Variants in MALRD1 observed in about 807,000 individuals in gnomAD.
The protein encoded by MALRD1 is MAM and LDL receptor class A domain containing 1.
A neutral mutation model predicts 242.1 loss-of-function variants in MALRD1; 247 were observed. That is an observed-to-expected ratio of 1.02 (90% CI 0.92 to 1.13). The LOEUF is 1.13. Among genes scored for constraint, MALRD1 ranks in the 50% most tolerant of loss-of-function variants. The pLI is 0.00. For synonymous variants in MALRD1, 995 were observed against 866.6 expected, an observed-to-expected ratio of 1.15 and a Z score of -2.60; for missense variants, 2,989 against 2,533.1, an observed-to-expected ratio of 1.18 and a Z score of -3.86.
chr10:19,437,807 C>T (rs1311443057), intron 28 of MALRD1, among the ~76,000 whole-genome samples: 1 of 152,116 alleles, frequency 6.6e-6, no homozygotes, highest in African/African-American at 2.4e-5. Flanking sequence ...GATAACCTCA[C>T]TTATTTCAGA....
intron 36 of MALRD1, among the ~76,000 whole-genome samples, chr10:19,634,653 C>T (rs778593724): frequency 1.6e-4 from 25 of 152,150 alleles, no homozygotes; most frequent in Non-Finnish European, 2.9e-4. Flanking sequence ...ATGGGCTAAG[C>T]TCACAGCACT....
chr10:19,709,838 A>T (rs1162453286), intron 38 of MALRD1, among the ~76,000 whole-genome samples: 1 of 152,218 alleles, frequency 6.6e-6, no homozygotes, highest in Non-Finnish European at 1.5e-5. Flanking sequence ...TAACTACACA[A>T]CTGACTGATG....
intron 11 of MALRD1, among the ~76,000 whole-genome samples, chr10:19,153,809 G>T (rs1278800707): frequency 6.6e-6 from 1 of 151,966 alleles, no homozygotes; most frequent in Non-Finnish European, 1.5e-5. Flanking sequence ...ATTTATTCAG[G>T]CCTTTTGCTT....
At chr10:19,657,111 C>G (rs1841194942) in intron 36 of MALRD1, among the ~76,000 whole-genome samples, 1 of 152,146 alleles carries the variant, frequency 6.6e-6, no homozygotes, top group South Asian at 2.1e-4. Context: ...CATTCTCTCA[C>G]AGTCTTTTCA....
At position 19,351,990 on chromosome 10, in the gene MALRD1, C is replaced by A. The variant is rs1212328122; in HGVS notation, c.4150-16C>A. The A allele has an allele frequency of 6.6e-7, 1 of 1,522,252 alleles. No individual in the cohort carries two copies. The highest frequency in any genetic ancestry group is 8.9e-7 in the Non-Finnish European group (1 of 1,122,842). 94.3% of individuals were successfully genotyped at this position (1,522,252 alleles called of 1,614,324 possible). On this transcript the variant is annotated splice_polypyrimidine_tract_variant and intron_variant, in intron 25 of 39. Coordinates refer to ENST00000454679, the MANE Select transcript of MALRD1 (RefSeq NM_001142308.3). ...ACTAATCATATCGTATGTAATATTC[C>A]TATTCTTGATTACAGATTATTTTTC...
At chr10:19,348,081 A>G in intron 25 of MALRD1, 63 bp downstream of exon 25, 1 of 1,496,230 alleles carries the variant, frequency 6.7e-7, no homozygotes, top group South Asian at 1.3e-5. Context: ...AAGTTTATAA[A>G]TTGACATACG....
intron 30 of MALRD1, 130 bp downstream of exon 30, chr10:19,491,775 C>A: frequency 2.1e-6 from 2 of 963,268 alleles, no homozygotes; most frequent in South Asian, 1.8e-5. Flanking sequence ...TTAGAATAGC[C>A]CAAATATTTC....
At chr10:19,586,014 G>T (rs1229831355) in intron 33 of MALRD1, among the ~76,000 whole-genome samples, 2 of 151,988 alleles carry the variant, frequency 1.3e-5, no homozygotes, top group African/African-American at 2.4e-5. Context: ...CCAGTTGATC[G>T]CATCGGCTCC....
At chr10:19,233,470 C>T (rs140035712) in intron 18 of MALRD1, among the ~76,000 whole-genome samples, 6,724 of 152,136 alleles carry the variant, frequency 0.044, 195 homozygotes, top group Middle Eastern at 0.078. Flanking sequence ...CCATTGTACT[C>T]CAGCCTGAGT....
chr10:19,223,999 C>T (rs988674948), intron 18 of MALRD1, among the ~76,000 whole-genome samples: 4 of 152,128 alleles, frequency 2.6e-5, no homozygotes, highest in Non-Finnish European at 4.4e-5. Flanking sequence ...AATAGTGCTG[C>T]AGTAAACATA....
chr10:19,149,275 C>T (rs1833852570), intron 11 of MALRD1, among the ~76,000 whole-genome samples: 1 of 152,022 alleles, frequency 6.6e-6, no homozygotes, highest in Non-Finnish European at 1.5e-5. Flanking sequence ...ACCACCACGC[C>T]CAGCTGGTTT....
At chr10:19,473,659 A>T (rs1271428272) in intron 29 of MALRD1, among the ~76,000 whole-genome samples, 1 of 152,114 alleles carries the variant, frequency 6.6e-6, no homozygotes, top group African/African-American at 2.4e-5. Context: ...AACTTCCATG[A>T]AAACTTGTTT....
intron 27 of MALRD1, among the ~76,000 whole-genome samples, chr10:19,388,189 A>C (rs1356718412): frequency 6.6e-6 from 1 of 152,062 alleles, no homozygotes; most frequent in Non-Finnish European, 1.5e-5. Flanking sequence ...TCCCTGTTTC[A>C]TTAGGACCCA....
At chr10:19,055,390 A>T (rs144496730) in intron 1 of MALRD1, among the ~76,000 whole-genome samples, 2 of 152,258 alleles carry the variant, frequency 1.3e-5, no homozygotes, top group African/African-American at 4.8e-5. Context: ...GCTGTGCAGA[A>T]GCTTTTTAGT....
Position 19,491,664 on chromosome 10 carries a change from TG to T in MALRD1, c.5158+20del, listed in dbSNP as rs780072522. ...CACTGTGGTAAGTTTATCTATCTGC[TG>T]TATGGCAGCCAGTTCAGCAGATATT... On this transcript the variant is annotated intron_variant, in intron 30 of 39. Transcript: ENST00000454679. 1.3e-4 allele frequency: 202 copies of T among 1,545,656 alleles called. No individual in the cohort carries two copies. Among genetic ancestry groups the T allele is most frequent in the Admixed American group, 1.3e-3 (64 of 50,908 alleles).
chr10:19,695,532 T>C (rs2131832986), intron 38 of MALRD1, among the ~76,000 whole-genome samples: 1 of 149,848 alleles, frequency 6.7e-6, no homozygotes. Flanking sequence ...TTTTTTTTTT[T>C]TTTTTGAGAT....
At chr10:19,125,296 TC>T (rs1837224069) in intron 7 of MALRD1, among the ~76,000 whole-genome samples, 5 of 44,942 alleles carry the variant, frequency 1.1e-4, no homozygotes, top group African/African-American at 5.6e-4. Flanking sequence ...TTTCTTTCCT[TC>T]CTTCCTTCCT....
chr10:19,504,980 C>T (rs984212119), intron 31 of MALRD1, among the ~76,000 whole-genome samples: 21 of 152,058 alleles, frequency 1.4e-4, no homozygotes, highest in African/African-American at 4.3e-4. Context: ...CCGCGCCCGG[C>T]CTGTAACACA....
intron 36 of MALRD1, among the ~76,000 whole-genome samples, chr10:19,635,068 C>A (rs10827695): frequency 6.6e-6 from 1 of 152,134 alleles, no homozygotes; most frequent in South Asian, 2.1e-4. Context: ...TTGGATCAAA[C>A]CTTTTATAGG....
Sources: allele counts gnomAD v4.1 joint callset (sites outside exome capture counted in the v4.1 genomes callset), GRCh38; gene constraint gnomAD v4.1.1; transcripts MANE v1.5; gene names NCBI Gene and HGNC (gene_info 2026-07-23, HGNC 2026-07-21).